Variants in NAT1 observed in about 807,000 individuals in gnomAD.
The protein encoded by NAT1 is N-acetyltransferase 1.
For missense variants in NAT1, 400 were observed against 339.2 expected (o/e 1.18, Z -1.41); for synonymous variants, 144 against 122.6 (o/e 1.17, Z -1.16).
intron 2 of NAT1, among the ~76,000 whole-genome samples, chr8:18,200,074 C>A (rs1194951017): frequency 2.0e-5 from 3 of 152,156 alleles, no homozygotes; most frequent in Non-Finnish European, 4.4e-5. Flanking sequence ...GAAAAGGTAG[C>A]ACTGATTCAC....
Position 18,222,436 on chromosome 8 carries a change from A to G in NAT1, c.389A>G (p.Gln130Arg). Residue 130 changes from glutamine to arginine, a missense_variant, in exon 3 of 3, where the codon CAG (glutamine) becomes CGG (arginine). Transcript: ENST00000307719. ...GATGCTGGGTTTGGACGCTCATACC[A>G]GATGTGGCAGCCTCTGGAGTTAATT... is the stretch of plus-strand genomic sequence containing the variant. ...IVDAGFGRSY[Q>R]MWQPLELISG... The G allele has an allele frequency of 6.2e-7, 1 of 1,614,128 alleles. No individual in the cohort carries two copies. The highest frequency in any genetic ancestry group is 1.3e-5 in the African/African-American group (1 of 75,030).
chr8:18,216,268 A>C (rs896878777), intron 1 of NAT1, among the ~76,000 whole-genome samples: 3 of 152,132 alleles, frequency 2.0e-5, no homozygotes, highest in South Asian at 2.1e-4. Flanking sequence ...AGTAGCTTCT[A>C]ACAGCGCTGA....
At chr8:18,182,040 T>C (rs185321610) in intron 2 of NAT1, among the ~76,000 whole-genome samples, 2 of 152,278 alleles carry the variant, frequency 1.3e-5, no homozygotes, top group Admixed American at 1.3e-4. Context: ...AGGAATTGTC[T>C]CTCTCCTCTC....
intron 2 of NAT1, among the ~76,000 whole-genome samples, chr8:18,187,161 A>G (rs1454121630): frequency 6.6e-6 from 1 of 152,180 alleles, no homozygotes; most frequent in East Asian, 1.9e-4. Flanking sequence ...ACCATCTGAC[A>G]CCGGTCACTG....
chr8:18,182,689 A>G (rs950444440), intron 2 of NAT1, among the ~76,000 whole-genome samples: 3 of 152,104 alleles, frequency 2.0e-5, no homozygotes, highest in African/African-American at 7.2e-5. Context: ...TTCTCCCCAC[A>G]TTGTTCTTCT....
chr8:18,215,107 A>G (rs1804502510), intron 1 of NAT1, among the ~76,000 whole-genome samples: 1 of 152,012 alleles, frequency 6.6e-6, no homozygotes, highest in African/African-American at 2.4e-5. Flanking sequence ...ATTTAGGTTG[A>G]TTCTGTGTCT....
intron 2 of NAT1, among the ~76,000 whole-genome samples, chr8:18,175,910 G>A (rs1056851440): frequency 4.6e-5 from 7 of 152,010 alleles, no homozygotes; most frequent in African/African-American, 1.7e-4. Context: ...TTTAACAGAT[G>A]TAAGGCAATA....
chr8:18,172,684 TTC>T (rs1333545129), intron 2 of NAT1, among the ~76,000 whole-genome samples: 1 of 152,204 alleles, frequency 6.6e-6, no homozygotes, highest in Admixed American at 6.5e-5. Flanking sequence ...AACATCTTAA[TTC>T]TGTTATAAAA....
intron 2 of NAT1, among the ~76,000 whole-genome samples, chr8:18,183,773 G>A (rs1802615805): frequency 1.3e-5 from 2 of 152,296 alleles, no homozygotes; most frequent in East Asian, 3.9e-4. Context: ...CTAAAAGGGA[G>A]GAATAGGCAA....
intron 1 of NAT1, chr8:18,212,730 G>C (rs1356817516): frequency 6.6e-6 from 1 of 152,402 alleles, no homozygotes; most frequent in Non-Finnish European, 1.5e-5. Flanking sequence ...CAGAAGGCAG[G>C]CCAGGGGCAC....
At chr8:18,173,236 T>C (rs1175868530) in intron 2 of NAT1, among the ~76,000 whole-genome samples, 1 of 152,164 alleles carries the variant, frequency 6.6e-6, no homozygotes, top group Non-Finnish European at 1.5e-5. Context: ...CTTTGATCCT[T>C]ATTGCAGTCA....
chr8:18,189,884 G>A lies in NAT1; in HGVS notation n.92+19145G>A, dbSNP rs147574627. Among the ~76,000 whole-genome samples, 599 of 152,222 alleles carry A rather than the reference G, an allele frequency of 3.9e-3. 7 individuals are homozygous for A. Among genetic ancestry groups the A allele is most frequent in the African/African-American group, 0.014 (570 of 41,524 alleles). On this transcript the variant is annotated intron_variant and non_coding_transcript_variant, in intron 2 of 4. Coordinates refer to the NAT1 transcript ENST00000517441. ...GGATCACTACAGCCTCCACCTCCTGGGTTCAAGCGATTCTCCTGCCTCAGC... is the reference window on the plus strand; with the variant it reads ...GGATCACTACAGCCTCCACCTCCTGAGTTCAAGCGATTCTCCTGCCTCAGC...
chr8:18,193,874 C>G (rs1288709352), intron 2 of NAT1, among the ~76,000 whole-genome samples: 1 of 152,060 alleles, frequency 6.6e-6, no homozygotes, highest in African/African-American at 2.4e-5. Context: ...CTCCTGACCT[C>G]AGGTGATCCA....
chr8:18,184,581 C>T, intron 2 of NAT1, among the ~76,000 whole-genome samples: 1 of 152,170 alleles, frequency 6.6e-6, no homozygotes, highest in East Asian at 1.9e-4. Context: ...ACATAATAAT[C>T]AAGAATAACA....
chr8:18,222,182 G>A lies in NAT1; in HGVS notation c.135G>A (p.Gly45=), dbSNP rs1275254501. The change falls in exon 3 of 3, where the codon GGG becomes GGA. Residue 45 remains glycine (G), a synonymous_variant. Coordinates refer to ENST00000307719, the MANE Select transcript of NAT1 (RefSeq NM_000662.8). ...VPFENLNIHC[G]DAMDLGLEAI... ...TTGAGAACCTTAACATCCATTGTGG[G>A]GATGCCATGGACTTAGGCTTAGAGG... 1 of 1,614,114 alleles carries A rather than the reference G, an allele frequency of 6.2e-7. No individual in the cohort carries two copies. Among genetic ancestry groups the A allele is most frequent in the Admixed American group, 1.7e-5 (1 of 60,014 alleles).
At chr8:18,204,514 A>G (rs1803621241) in intron 2 of NAT1, among the ~76,000 whole-genome samples, 1 of 152,192 alleles carries the variant, frequency 6.6e-6, no homozygotes, top group African/African-American at 2.4e-5. Context: ...TTACTTATTA[A>G]ACATAAGTTT....
chr8:18,174,185 T>G (rs956390676), intron 2 of NAT1, among the ~76,000 whole-genome samples: 20 of 152,128 alleles, frequency 1.3e-4, no homozygotes, highest in African/African-American at 1.9e-4. Context: ...ATGACTAGAT[T>G]AGCCACATGA....
chr8:18,172,881 C>A (rs1285256910), intron 2 of NAT1, among the ~76,000 whole-genome samples: 1 of 152,082 alleles, frequency 6.6e-6, no homozygotes, highest in Admixed American at 6.6e-5. Flanking sequence ...AGGTCACCTG[C>A]CAGGGAGACT....
chr8:18,184,144 T>A (rs1344112346), intron 2 of NAT1, among the ~76,000 whole-genome samples: 1 of 152,178 alleles, frequency 6.6e-6, no homozygotes, highest in African/African-American at 2.4e-5. Context: ...CTGGGCCCCA[T>A]GACTTGCCAT....
Sources: gnomAD v4.1 joint callset for allele counts (sites outside exome capture counted in the v4.1 genomes callset) on GRCh38, gnomAD v4.1.1 for gene constraint, MANE v1.5 for transcripts, NCBI Gene and HGNC (gene_info 2026-07-23, HGNC 2026-07-21) for gene names.